VPS8: variants seen among roughly 807,000 people sequenced by gnomAD.
The protein encoded by VPS8 is vacuolar protein sorting-associated protein 8 homolog.
VPS8 carries 129 observed loss-of-function variants against 216.4 expected under a neutral mutation model. The ratio of observed to expected loss-of-function variants is 0.60; its 90% CI spans 0.52 to 0.69. VPS8 has a LOEUF of 0.69. Among genes scored for constraint, VPS8 ranks in the 30% least tolerant of loss-of-function variants. The pLI, the probability that VPS8 is intolerant of heterozygous loss-of-function variation, is 0.00. For synonymous variants in VPS8, 571 were observed against 565.4 expected (o/e 1.01, Z -0.14); for missense variants, 1,531 against 1,683.5 (o/e 0.91, Z 1.59).
At chr3:184,812,582 C>G (rs1715370125) in intron 1 of VPS8, 1 of 152,270 alleles carries the variant, frequency 6.6e-6, no homozygotes, top group Non-Finnish European at 1.5e-5. Context: ...AATCCAGTGA[C>G]TCCGGTGATG....
At chr3:184,877,532 C>T (rs1256580296) in intron 21 of VPS8, among the ~76,000 whole-genome samples, 1 of 152,104 alleles carries the variant, frequency 6.6e-6, no homozygotes, top group Admixed American at 6.5e-5. Context: ...GTGCTGTATG[C>T]CTGATGGCTA....
chr3:185,003,961 G>T (rs1209600018), intron 45 of VPS8, among the ~76,000 whole-genome samples: 1 of 151,982 alleles, frequency 6.6e-6, no homozygotes, highest in East Asian at 1.9e-4. Flanking sequence ...TCAGACGATG[G>T]GCGGCCGGGC....
At chr3:184,854,207 A>T in intron 13 of VPS8, 34 bp downstream of exon 13, 1 of 1,610,772 alleles carries the variant, frequency 6.2e-7, no homozygotes, top group Non-Finnish European at 8.5e-7. Context: ...TTGCCAAAGG[A>T]AGGACCATGT....
intron 21 of VPS8, among the ~76,000 whole-genome samples, chr3:184,880,951 G>A (rs1730163426): frequency 6.6e-6 from 1 of 152,092 alleles, no homozygotes; most frequent in Non-Finnish European, 1.5e-5. Context: ...TTTGCCACAT[G>A]TATATCTTCT....
At chr3:184,841,227 T>C (rs189690913) in intron 7 of VPS8, among the ~76,000 whole-genome samples, 3 of 152,276 alleles carry the variant, frequency 2.0e-5, no homozygotes, top group African/African-American at 7.2e-5. Flanking sequence ...GTTGAAGATA[T>C]ACCAAATCCT....
At chr3:184,963,019 T>G (rs1746793274) in intron 37 of VPS8, among the ~76,000 whole-genome samples, 1 of 152,084 alleles carries the variant, frequency 6.6e-6, no homozygotes, top group African/African-American at 2.4e-5. Flanking sequence ...GTGGGTTCCA[T>G]TCTCTTCCTT....
intron 46 of VPS8, among the ~76,000 whole-genome samples, chr3:185,047,390 C>G (rs1001907745): frequency 1.3e-5 from 2 of 152,094 alleles, no homozygotes; most frequent in African/African-American, 4.8e-5. Context: ...GCAAAAAGTA[C>G]CCAACTCGGA....
intron 13 of VPS8, among the ~76,000 whole-genome samples, chr3:184,854,820 G>A (rs950600555): frequency 3.3e-5 from 5 of 152,078 alleles, no homozygotes; most frequent in Admixed American, 3.3e-4. Context: ...CCTAGCATGT[G>A]TTATTTATAT....
intron 45 of VPS8, among the ~76,000 whole-genome samples, chr3:185,014,134 T>C (rs1755439013): frequency 6.6e-6 from 1 of 152,216 alleles, no homozygotes; most frequent in Non-Finnish European, 1.5e-5. Context: ...AGTATAATTG[T>C]TCTCTGTGTC....
chr3:184,944,041 G>GCACACACACACACACACACA (rs57639626), intron 36 of VPS8, among the ~76,000 whole-genome samples: 1 of 149,852 alleles, frequency 6.7e-6, no homozygotes, highest in African/African-American at 2.5e-5. Flanking sequence ...GGCAGAGGTT[G>GCACACACACACACACACACA]CACACACACA....
intron 40 of VPS8, chr3:184,982,313 C>T (rs1276470899): frequency 2.2e-6 from 1 of 456,510 alleles, no homozygotes; most frequent in Admixed American, 4.1e-5. Flanking sequence ...ACTTACTTAA[C>T]AGTGGCCTCC....
At chr3:184,873,015 C>T (rs1023103460) in intron 21 of VPS8, among the ~76,000 whole-genome samples, 1 of 152,100 alleles carries the variant, frequency 6.6e-6, no homozygotes, top group African/African-American at 2.4e-5. Context: ...TGATATGGTC[C>T]AGACTGTGCC....
intron 45 of VPS8, among the ~76,000 whole-genome samples, chr3:185,011,250 T>G (rs1368050819): frequency 6.6e-6 from 1 of 152,160 alleles, no homozygotes; most frequent in Non-Finnish European, 1.5e-5. Context: ...AGAGAGCAAC[T>G]GGAAGCAGGC....
Position 184,824,605 on chromosome 3 carries a change from G to C in VPS8, c.-28G>C. The C allele has an allele frequency of 6.3e-7, 1 of 1,597,298 alleles. No homozygotes were observed. The highest frequency in any genetic ancestry group is 8.5e-7 in the Non-Finnish European group (1 of 1,170,036). On this transcript the variant is annotated 5_prime_UTR_variant, in exon 2 of 48. The change abolishes an upstream ATG in the 5' untranslated region. Transcript: ENST00000625842. ...ACAAACAAAAAACACTTGCTTTGATGGACTGAATACTGTTATTAGAAGTAA... is the reference window on the plus strand; with the variant it reads ...ACAAACAAAAAACACTTGCTTTGATCGACTGAATACTGTTATTAGAAGTAA...
chr3:184,843,202 C>T (rs2108612249), intron 7 of VPS8, 38 bp from the exon 8 acceptor site: 2 of 1,408,648 alleles, frequency 1.4e-6, no homozygotes, highest in Non-Finnish European at 1.9e-6. Flanking sequence ...TCTTGCTTTT[C>T]TTTATCTTTC....
intron 21 of VPS8, among the ~76,000 whole-genome samples, chr3:184,871,220 T>A (rs956697589): frequency 7.9e-5 from 12 of 151,542 alleles, no homozygotes; most frequent in African/African-American, 2.7e-4. Flanking sequence ...TATATATATA[T>A]AAAATATGAT....
chr3:185,024,224 A>G, intron 45 of VPS8, 112 bp from the exon 46 acceptor site: 2 of 972,064 alleles, frequency 2.1e-6, no homozygotes, highest in Non-Finnish European at 3.0e-6. Flanking sequence ...TCCTCTGGAA[A>G]TGTCTGTTTT....
intron 7 of VPS8, chr3:184,840,452 G>A (rs910906086): frequency 6.6e-6 from 1 of 152,036 alleles, no homozygotes; most frequent in Non-Finnish European, 1.5e-5. Context: ...TGTAATCCTA[G>A]CACTTTGGGA....
chr3:184,883,885 C>G (rs541436569), intron 21 of VPS8, among the ~76,000 whole-genome samples: 1 of 152,266 alleles, frequency 6.6e-6, no homozygotes, highest in African/African-American at 2.4e-5. Flanking sequence ...TTGGGGTATA[C>G]TACTGCCCTT....
Sources: allele counts gnomAD v4.1 joint callset (sites outside exome capture counted in the v4.1 genomes callset), GRCh38; gene constraint gnomAD v4.1.1; transcripts MANE v1.5; gene names NCBI Gene and HGNC (gene_info 2026-07-23, HGNC 2026-07-21).